The following NEK5 variants were observed in gnomAD, a reference collection of about 807,000 sequenced individuals.
The protein encoded by NEK5 is serine/threonine-protein kinase Nek5.
Under a neutral mutation model 109.2 loss-of-function variants are expected in NEK5, and 88 were observed. The ratio of observed to expected loss-of-function variants is 0.81; its 90% CI spans 0.68 to 0.96. The LOEUF (loss-of-function observed/expected upper bound fraction) is 0.96. NEK5 is among the 40% of genes least tolerant of loss of function. The pLI is 0.00. For missense variants in NEK5, 834 were observed against 920.7 expected (o/e 0.91, Z 1.22); for synonymous variants, 283 against 299.9 (o/e 0.94, Z 0.58).
chr13:52,115,171 G>C (rs530765235), intron 4 of NEK5, among the ~76,000 whole-genome samples: 36 of 151,938 alleles, frequency 2.4e-4, no homozygotes, highest in African/African-American at 8.4e-4. Context: ...CCGCCACCAT[G>C]CCCGGCTAAT....
intron 23 of NEK5, among the ~76,000 whole-genome samples, chr13:52,039,873 C>T (rs539556600): frequency 6.6e-6 from 1 of 152,106 alleles, no homozygotes; most frequent in East Asian, 1.9e-4. Context: ...TGTGTTGAAA[C>T]CTAATCCTCA....
chr13:52,083,235 C>T, intron 17 of NEK5, 25 bp downstream of exon 17: 3 of 1,491,810 alleles, frequency 2.0e-6, no homozygotes, highest in Non-Finnish European at 2.8e-6. Flanking sequence ...TGCAAGCACA[C>T]ACATCTGATC....
intron 17 of NEK5, chr13:52,082,169 G>A (rs1452614580): frequency 4.0e-6 from 1 of 252,568 alleles, no homozygotes; most frequent in Admixed American, 5.4e-5. Context: ...ACAAAAATTA[G>A]CTGGGCGCGG....
At chr13:52,061,213 C>T (rs752814692) in intron 22 of NEK5, among the ~76,000 whole-genome samples, 2 of 151,882 alleles carry the variant, frequency 1.3e-5, no homozygotes, top group Non-Finnish European at 2.9e-5. Flanking sequence ...CTCTCACATG[C>T]ACAGTTCACA....
At chr13:52,111,386 C>T (rs1955754850) in intron 5 of NEK5, among the ~76,000 whole-genome samples, 1 of 151,676 alleles carries the variant, frequency 6.6e-6, no homozygotes, top group Non-Finnish European at 1.5e-5. Flanking sequence ...AAAATAATAC[C>T]TAGATAAGAA....
rs962446192 is a variant in NEK5 at position 52,034,448 on chromosome 13, A to G, written c.*2500T>C. 4 of 151,608 alleles carry G rather than the reference A, an allele frequency of 2.6e-5. No individual in the cohort carries two copies. Among genetic ancestry groups the G allele is most frequent in the Non-Finnish European group, 4.4e-5 (3 of 67,996 alleles). 9.4% of individuals were successfully genotyped at this position (151,608 alleles called of 1,614,324 possible). On this transcript the variant is annotated 3_prime_UTR_variant, in exon 24 of 24. Transcript: ENST00000684899. ...GCTTGGTGACTATTACCTAAAATAG[A>G]CTAGACTTTAGCCAAGCATCTTTTA...
intron 13 of NEK5, 152 bp downstream of exon 13, chr13:52,092,902 A>G: frequency 1.7e-6 from 1 of 574,070 alleles, no homozygotes; most frequent in Non-Finnish European, 3.0e-6. Context: ...AACAAAAGAA[A>G]AAGGTCAAGG....
chr13:52,072,128 A>G, intron 19 of NEK5, 58 bp from the exon 20 acceptor site: 1 of 1,452,850 alleles, frequency 6.9e-7, no homozygotes, highest in Non-Finnish European at 9.4e-7. Context: ...AGAAAGAAAA[A>G]CCATATTTTC....
intron 17 of NEK5, 119 bp from the exon 18 acceptor site, chr13:52,076,262 A>C (rs1954867480): frequency 1.7e-6 from 1 of 580,796 alleles, no homozygotes; most frequent in African/African-American, 1.9e-5. Context: ...AAAGTTAATA[A>C]TAATTAACTA....
intron 20 of NEK5, among the ~76,000 whole-genome samples, chr13:52,069,722 C>G (rs542325358): frequency 3.9e-5 from 6 of 152,310 alleles, no homozygotes; most frequent in African/African-American, 1.4e-4. Context: ...CACTCAGTAT[C>G]TATTCTCCCT....
Position 52,095,087 on chromosome 13 carries a change from C to CA in NEK5, c.1027-1853dup, listed in dbSNP as rs1036376501. ...ACATGCTACTGTGTCCAGTAAAAAA[C>CA]AAAAAATTTTTTTTTTAATTTTACT... On this transcript the variant is annotated intron_variant, in intron 12 of 23. Transcript: ENST00000684899. Among the ~76,000 whole-genome samples, 18 of 151,732 alleles carry CA rather than the reference C, an allele frequency of 1.2e-4. 1 individual carries two copies. The highest frequency in any genetic ancestry group is 4.2e-4 in the South Asian group (2 of 4,810).
At chr13:52,072,161 G>T in intron 19 of NEK5, 91 bp from the exon 20 acceptor site, 2 of 929,656 alleles carry the variant, frequency 2.2e-6, no homozygotes, top group Non-Finnish European at 3.3e-6. Flanking sequence ...AAATTAATTA[G>T]CAAGGTATAT....
intron 20 of NEK5, among the ~76,000 whole-genome samples, chr13:52,069,687 A>G (rs528942139): frequency 7.2e-5 from 11 of 152,260 alleles, no homozygotes; most frequent in Non-Finnish European, 1.3e-4. Flanking sequence ...AATATCCTTG[A>G]GCCCCTTCTC....
intron 3 of NEK5, among the ~76,000 whole-genome samples, chr13:52,123,848 G>A (rs1287680321): frequency 1.3e-5 from 2 of 152,090 alleles, no homozygotes; most frequent in Non-Finnish European, 2.9e-5. Context: ...TGAACAAGTG[G>A]GATCTTGATG....
At chr13:52,089,409 A>G in intron 13 of NEK5, 96 bp from the exon 14 acceptor site, 1 of 727,516 alleles carries the variant, frequency 1.4e-6, no homozygotes, top group Non-Finnish European at 2.4e-6. Context: ...GAGATTCACA[A>G]TTCACCAGTG....
chr13:52,052,347 C>G (rs1954513112), intron 22 of NEK5, among the ~76,000 whole-genome samples: 1 of 152,120 alleles, frequency 6.6e-6, no homozygotes, highest in African/African-American at 2.4e-5. Context: ...ATGGTTGTTA[C>G]TGGATGGGGC....
At chr13:52,091,289 GAGAA>G (rs954380694) in intron 13 of NEK5, among the ~76,000 whole-genome samples, 16 of 152,308 alleles carry the variant, frequency 1.1e-4, no homozygotes, top group African/African-American at 3.6e-4. Flanking sequence ...GTTGAGAAAA[GAGAA>G]AGGGAGTTTT....
At position 52,110,596 on chromosome 13, in the gene NEK5, A is replaced by G; in HGVS notation, c.313-19T>C. 1 of 1,528,258 alleles carries G rather than the reference A, an allele frequency of 6.5e-7. No homozygotes were observed. Among genetic ancestry groups the G allele is most frequent in the Non-Finnish European group, 9.0e-7 (1 of 1,106,192 alleles). The allele number at this position is 1,528,258 out of a possible 1,614,324, so 94.7% of individuals were successfully genotyped here. A position where few individuals can be genotyped will look rare whatever the true frequency, so the allele number is the denominator to read the frequency against. ...CGAGGATCTATAGAGAGAACACAAA[A>G]CAAAGCCACTGAATAGCCTGGTAGT... is the stretch of plus-strand genomic sequence containing the variant. On this transcript the variant is annotated intron_variant, in intron 5 of 23. Transcript: ENST00000684899.
intron 20 of NEK5, among the ~76,000 whole-genome samples, chr13:52,068,752 T>C (rs1954732418): frequency 6.6e-6 from 1 of 152,116 alleles, no homozygotes; most frequent in Non-Finnish European, 1.5e-5. Flanking sequence ...GCAGATCACC[T>C]GAGATCAAGA....
Sources: gnomAD v4.1 joint callset for allele counts (sites outside exome capture counted in the v4.1 genomes callset) on GRCh38, gnomAD v4.1.1 for gene constraint, MANE v1.5 for transcripts, NCBI Gene and HGNC (gene_info 2026-07-23, HGNC 2026-07-21) for gene names.